The following IGFL2 variants were observed in gnomAD, a reference collection of about 807,000 sequenced individuals.
IGFL2 encodes the protein IGF like family member 2, also known as insulin growth factor-like family member 2.
IGFL2 carries 7 observed loss-of-function variants against 13.9 expected under a neutral mutation model. The ratio of observed to expected loss-of-function variants is 0.51; its 90% CI spans 0.29 to 0.95. IGFL2 has a LOEUF of 0.95. Among genes scored for constraint, IGFL2 ranks in the 40% least tolerant of loss-of-function variants. The pLI, the probability that IGFL2 is intolerant of heterozygous loss-of-function variation, is 0.08. For missense variants in IGFL2, 138 were observed against 147.8 expected (o/e 0.93, Z 0.34); for synonymous variants, 55 against 55.8 (o/e 0.99, Z 0.07).
chr19:46,155,771 C>T (rs1973788930), intron 1 of IGFL2, among the ~76,000 whole-genome samples: 1 of 152,132 alleles, frequency 6.6e-6, no homozygotes. Flanking sequence ...TGTAGTGGTA[C>T]AATTGTGATA....
At chr19:46,109,772 G>T in the IGFL2 span, among the ~76,000 whole-genome samples, 1 of 152,182 alleles carries the variant, frequency 6.6e-6, no homozygotes, top group Admixed American at 6.5e-5. Context: ...TATCACAAGG[G>T]TGGGGAGGGT....
At chr19:46,206,330 T>C in the IGFL2 span, among the ~76,000 whole-genome samples, 1 of 152,214 alleles carries the variant, frequency 6.6e-6, no homozygotes, top group Non-Finnish European at 1.5e-5. Flanking sequence ...AGCCCTGCCC[T>C]CAGGAATGTG....
the IGFL2 span, among the ~76,000 whole-genome samples, chr19:46,192,622 T>C: frequency 1.3e-5 from 2 of 152,016 alleles, no homozygotes; most frequent in African/African-American, 2.4e-5. Context: ...GGTTTCACCA[T>C]GTTGACCAGG....
chr19:46,153,471 TG>T (rs1251721286), intron 1 of IGFL2, among the ~76,000 whole-genome samples: 2 of 152,196 alleles, frequency 1.3e-5, no homozygotes, highest in Admixed American at 1.3e-4. Context: ...CTTGAGTGTT[TG>T]TATGTCTTCT....
chr19:46,129,307 TTGTGTGTG>T, the IGFL2 span, among the ~76,000 whole-genome samples: 487 of 137,042 alleles, frequency 3.6e-3, 5 homozygotes, highest in African/African-American at 8.3e-3. Context: ...TGTTGATCTT[TTGTGTGTG>T]TGTGTGTGTG....
chr19:46,206,033 C>T, the IGFL2 span, among the ~76,000 whole-genome samples: 2 of 152,162 alleles, frequency 1.3e-5, no homozygotes, highest in African/African-American at 4.8e-5. Flanking sequence ...AACAGGGCTA[C>T]TAGAAAATAG....
At chr19:46,136,714 A>T in the IGFL2 span, 2 of 512,676 alleles carry the variant, frequency 3.9e-6, no homozygotes. Flanking sequence ...AAATCATGAC[A>T]TTTCTGAGAA....
the IGFL2 span, among the ~76,000 whole-genome samples, chr19:46,174,339 G>A: frequency 3.8e-4 from 58 of 152,224 alleles, no homozygotes; most frequent in African/African-American, 1.3e-3. Context: ...CAGGGGACCC[G>A]CCCTTGTGGC....
At chr19:46,161,657 C>T (rs1974178205), downstream of IGFL2, among the ~76,000 whole-genome samples, 1 of 152,006 alleles carries the variant, frequency 6.6e-6, no homozygotes, top group African/African-American at 2.4e-5. Context: ...TTTCTGTTTT[C>T]CATTTGCTTA....
chr19:46,176,418 A>G, the IGFL2 span, among the ~76,000 whole-genome samples: 1 of 152,188 alleles, frequency 6.6e-6, no homozygotes, highest in Non-Finnish European at 1.5e-5. Flanking sequence ...TGAGAGCTGG[A>G]GATGCTCTAG....
At chr19:46,194,265 A>T in the IGFL2 span, among the ~76,000 whole-genome samples, 1 of 151,982 alleles carries the variant, frequency 6.6e-6, no homozygotes, top group Non-Finnish European at 1.5e-5. Flanking sequence ...CAAAATACCC[A>T]GTGAGGCGTT....
At chr19:46,160,562 AG>A (rs1974103381) in intron 2 of IGFL2, 51 bp from the exon 3 acceptor site, 29 of 1,613,256 alleles carry the variant, frequency 1.8e-5, no homozygotes, top group Middle Eastern at 3.3e-4. Context: ...TGGGGGATGT[AG>A]TGCCTGGTTA....
the IGFL2 span, chr19:46,214,748 C>T: frequency 1.3e-5 from 2 of 152,288 alleles, no homozygotes; most frequent in Non-Finnish European, 2.9e-5. Context: ...CGTCCAGGGC[C>T]TGAAGAGGTA....
intron 1 of IGFL2, among the ~76,000 whole-genome samples, chr19:46,149,221 TTC>T (rs1973329010): frequency 2.7e-5 from 4 of 146,472 alleles, no homozygotes; most frequent in South Asian, 4.5e-4. Flanking sequence ...TCCCTCTCTT[TTC>T]TCTCTCTCCC....
chr19:46,150,141 C>CT (rs1287681547), intron 1 of IGFL2, among the ~76,000 whole-genome samples: 1 of 152,098 alleles, frequency 6.6e-6, no homozygotes, highest in Non-Finnish European at 1.5e-5. Context: ...TGCTGAGTGT[C>CT]TTTTCCATGT....
the IGFL2 span, among the ~76,000 whole-genome samples, chr19:46,205,217 A>G: frequency 6.6e-6 from 1 of 152,198 alleles, no homozygotes; most frequent in East Asian, 1.9e-4. Flanking sequence ...CCTCCAAATC[A>G]TATACTTTTC....
chr19:46,199,309 C>T, the IGFL2 span, among the ~76,000 whole-genome samples: 6 of 152,312 alleles, frequency 3.9e-5, no homozygotes, highest in East Asian at 9.6e-4. Context: ...AGAAAAACAA[C>T]CTCCTTTCAC....
the IGFL2 span, chr19:46,189,301 A>G: frequency 6.6e-6 from 1 of 152,422 alleles, no homozygotes; most frequent in Admixed American, 6.5e-5. Context: ...ACTTTCACTA[A>G]TTCTGCTACT....
At chr19:46,124,145 C>T in the IGFL2 span, 1 of 1,610,326 alleles carries the variant, frequency 6.2e-7, no homozygotes. Context: ...AGTCCTGAGC[C>T]AACAGGAGCG....
Sources: allele counts gnomAD v4.1 joint callset (sites outside exome capture counted in the v4.1 genomes callset), GRCh38; gene constraint gnomAD v4.1.1; transcripts MANE v1.5; gene names NCBI Gene and HGNC (gene_info 2026-07-23, HGNC 2026-07-21).